Variants in XKR9 observed in about 807,000 individuals in gnomAD.
XKR9 encodes the protein XK-related protein 9.
Under a neutral mutation model 32.0 loss-of-function variants are expected in XKR9, and 32 were observed. The observed-to-expected ratio is 1.00, with a 90% CI of 0.76 to 1.34. The LOEUF (loss-of-function observed/expected upper bound fraction) is 1.34. Among genes scored for constraint, XKR9 ranks in the 40% most tolerant of loss-of-function variants. The pLI, the probability that XKR9 is intolerant of heterozygous loss-of-function variation, is 0.00. For missense variants in XKR9, 546 were observed against 429.7 expected (o/e 1.27, Z -2.39); for synonymous variants, 168 against 143.4 (o/e 1.17, Z -1.22).
chr8:70,703,875 A>G (rs1196645012), intron 3 of XKR9, among the ~76,000 whole-genome samples: 1 of 152,092 alleles, frequency 6.6e-6, no homozygotes, highest in Non-Finnish European at 1.5e-5. Context: ...TGGCCTATTC[A>G]TCATTTGTTT....
the XKR9 span, among the ~76,000 whole-genome samples, chr8:70,970,896 C>T: frequency 1.3e-5 from 2 of 152,118 alleles, no homozygotes; most frequent in African/African-American, 2.4e-5. Flanking sequence ...GACAGTGTGG[C>T]GATTCCTTAA....
the XKR9 span, among the ~76,000 whole-genome samples, chr8:70,842,788 G>A: frequency 9.7e-3 from 1,471 of 152,194 alleles, 23 homozygotes; most frequent in African/African-American, 0.034. Context: ...GGGCTGCCCC[G>A]CCACCTGGCT....
At chr8:70,711,887 C>G (rs969161059) in intron 4 of XKR9, among the ~76,000 whole-genome samples, 6 of 125,120 alleles carry the variant, frequency 4.8e-5, no homozygotes, top group African/African-American at 1.7e-4. Context: ...GTACTAGGCT[C>G]ACTACCTGGG....
At chr8:70,988,947 C>G in the XKR9 span, among the ~76,000 whole-genome samples, 10 of 152,198 alleles carry the variant, frequency 6.6e-5, no homozygotes, top group South Asian at 6.2e-4. Flanking sequence ...TTTCACTTAG[C>G]ATAATACCCT....
chr8:70,949,834 G>T, the XKR9 span, among the ~76,000 whole-genome samples: 1 of 152,074 alleles, frequency 6.6e-6, no homozygotes, highest in Non-Finnish European at 1.5e-5. Context: ...TTTATTGTGT[G>T]CTTAGTATGT....
chr8:70,991,530 C>T, the XKR9 span, among the ~76,000 whole-genome samples: 31 of 152,244 alleles, frequency 2.0e-4, no homozygotes, highest in South Asian at 1.7e-3. Flanking sequence ...AACCAGGTGT[C>T]TTGATTTAAA....
chr8:70,732,532 G>A (rs1018931915), intron 4 of XKR9, among the ~76,000 whole-genome samples: 6 of 152,188 alleles, frequency 3.9e-5, no homozygotes, highest in South Asian at 2.1e-4. Flanking sequence ...ATTCCTGGAC[G>A]AGCCCCCATA....
the XKR9 span, among the ~76,000 whole-genome samples, chr8:70,907,419 T>C: frequency 6.6e-6 from 1 of 152,208 alleles, no homozygotes; most frequent in South Asian, 2.1e-4. Context: ...TATGACAGTC[T>C]GTACTGAAAC....
At chr8:70,887,715 G>T in the XKR9 span, among the ~76,000 whole-genome samples, 1 of 151,768 alleles carries the variant, frequency 6.6e-6, no homozygotes, top group Non-Finnish European at 1.5e-5. Context: ...TCATGATTTG[G>T]CTCTCTGCTT....
chr8:70,697,324 C>A (rs1805318781), intron 3 of XKR9, among the ~76,000 whole-genome samples: 1 of 150,948 alleles, frequency 6.6e-6, no homozygotes, highest in Non-Finnish European at 1.5e-5. Flanking sequence ...GTGGGTTTGT[C>A]ATAGATAGCT....
At chr8:70,733,488 T>C (rs1359623114) in intron 4 of XKR9, among the ~76,000 whole-genome samples, 1 of 152,052 alleles carries the variant, frequency 6.6e-6, no homozygotes, top group Non-Finnish European at 1.5e-5. Context: ...ATAAAATTTG[T>C]CCCATGAATT....
the XKR9 span, among the ~76,000 whole-genome samples, chr8:71,054,429 A>C: frequency 1.3e-5 from 2 of 152,192 alleles, no homozygotes; most frequent in African/African-American, 4.8e-5. Flanking sequence ...TGCTGTTTTA[A>C]AATTTTCACT....
At chr8:70,784,423 C>T (rs1807656664) in intron 2 of XKR9, among the ~76,000 whole-genome samples, 1 of 151,476 alleles carries the variant, frequency 6.6e-6, no homozygotes, top group African/African-American at 2.4e-5. Flanking sequence ...TTTTTTACCT[C>T]TTTAGTTAAA....
the XKR9 span, among the ~76,000 whole-genome samples, chr8:71,059,721 TATC>T: frequency 2.6e-5 from 4 of 152,116 alleles, no homozygotes; most frequent in African/African-American, 7.2e-5. Context: ...TGGGATCACT[TATC>T]ATAGAAGTTA....
At chr8:70,862,852 A>G in the XKR9 span, among the ~76,000 whole-genome samples, 1 of 152,140 alleles carries the variant, frequency 6.6e-6, no homozygotes, top group Admixed American at 6.6e-5. Context: ...GAGAAAGTAT[A>G]TTAGGAGAGA....
At chr8:70,814,348 T>C in the XKR9 span, among the ~76,000 whole-genome samples, 3 of 152,052 alleles carry the variant, frequency 2.0e-5, no homozygotes, top group South Asian at 2.1e-4. Context: ...TGCTAAATGA[T>C]GAGTTAGTGG....
At chr8:70,920,985 C>T in the XKR9 span, among the ~76,000 whole-genome samples, 1 of 152,152 alleles carries the variant, frequency 6.6e-6, no homozygotes, top group Non-Finnish European at 1.5e-5. Flanking sequence ...TGTGGGCAAC[C>T]AGATTGTGGG....
At chr8:71,055,122 AT>A in the XKR9 span, among the ~76,000 whole-genome samples, 1 of 152,240 alleles carries the variant, frequency 6.6e-6, no homozygotes. Flanking sequence ...TTAATCTTTA[AT>A]ATACTCATTA....
intron 4 of XKR9, among the ~76,000 whole-genome samples, chr8:70,728,566 A>G (rs1304992369): frequency 6.6e-6 from 1 of 152,216 alleles, no homozygotes; most frequent in Non-Finnish European, 1.5e-5. Flanking sequence ...AAAATCTGAG[A>G]GCATTAGTTT....
Sources: gnomAD v4.1 joint callset for allele counts (sites outside exome capture counted in the v4.1 genomes callset) on GRCh38, gnomAD v4.1.1 for gene constraint, MANE v1.5 for transcripts, NCBI Gene and HGNC (gene_info 2026-07-23, HGNC 2026-07-21) for gene names.